Variants in CEP164 observed in about 807,000 individuals in gnomAD.
The protein encoded by CEP164 is centrosomal protein 164.
Under a neutral mutation model 182.7 loss-of-function variants are expected in CEP164, and 162 were observed. The ratio of observed to expected loss-of-function variants is 0.89; its 90% CI spans 0.78 to 1.01. The LOEUF (loss-of-function observed/expected upper bound fraction) is 1.01, where lower values mean the gene tolerates loss of function less well. Ranked by LOEUF, CEP164 falls within the 50% of genes least tolerant of loss-of-function variation. The probability of loss-of-function intolerance (pLI) is 0.00; values close to 1 mark genes in which losing one functional copy is unlikely to be tolerated. For missense variants in CEP164, 1,735 were observed against 1,790.4 expected (o/e 0.97, Z 0.56); for synonymous variants, 661 against 690.0 (o/e 0.96, Z 0.66).
chr11:117,352,671 CT>C (rs1217020052), intron 5 of CEP164, among the ~76,000 whole-genome samples: 9 of 152,340 alleles, frequency 5.9e-5, no homozygotes, highest in African/African-American at 1.7e-4. Flanking sequence ...ACTGCAACCA[CT>C]GCCTTTCAGG....
chr11:117,334,505 G>T (rs1033051367), intron 1 of CEP164, among the ~76,000 whole-genome samples: 1 of 152,068 alleles, frequency 6.6e-6, no homozygotes, highest in African/African-American at 2.4e-5. Flanking sequence ...TAAATATATC[G>T]CCAGGTGCGG....
At chr11:117,383,393 A>T (rs2043565702) in intron 14 of CEP164, among the ~76,000 whole-genome samples, 1 of 152,170 alleles carries the variant, frequency 6.6e-6, no homozygotes, top group African/African-American at 2.4e-5. Flanking sequence ...CCATCCCTCG[A>T]GGAAGTTTCC....
At chr11:117,404,981 C>T (rs1004036144) in intron 27 of CEP164, among the ~76,000 whole-genome samples, 1 of 152,166 alleles carries the variant, frequency 6.6e-6, no homozygotes, top group African/African-American at 2.4e-5. Flanking sequence ...AATGGCAAGC[C>T]TTAGTAATGG....
In CEP164 at chr11:117,396,176, G is replaced by T. The variant is rs1194889448; in HGVS notation, c.3212G>T (p.Gly1071Val). 2.6e-6 allele frequency: 2 copies of T among 764,654 alleles called. No homozygotes were observed. Among genetic ancestry groups the T allele is most frequent in the Non-Finnish European group, 4.2e-6 (2 of 473,636 alleles). The allele number at this position is 764,654 out of a possible 1,614,324, so 47.4% of individuals were successfully genotyped here. A position where few individuals can be genotyped will look rare whatever the true frequency, so the allele number is the denominator to read the frequency against. Reference sequence around the variant, plus strand: ...ATTGAGGACCTGAGGAAATCCCTTGGAACAGTGAGCTGGGGGCTGGGGCCT... The same window carrying T: ...ATTGAGGACCTGAGGAAATCCCTTGTAACAGTGAGCTGGGGGCTGGGGCCT... ...LHIEDLRKSL[G>V]TNQTKEVSSS... is the part of the protein sequence containing the mutation. The change falls in exon 25 of 33, where the codon GGA becomes GTA. Residue 1071 changes from glycine to valine, a missense_variant. Gly to Val is a moderately radical substitution (Grantham distance 109). Transcript: ENST00000278935.
intron 5 of CEP164, among the ~76,000 whole-genome samples, chr11:117,353,158 C>G (rs1592106562): frequency 6.6e-6 from 1 of 152,142 alleles, no homozygotes; most frequent in African/African-American, 2.4e-5. Context: ...GTGGGGAGCA[C>G]TGGGAACATC....
intron 15 of CEP164, among the ~76,000 whole-genome samples, chr11:117,389,488 T>C (rs142062100): frequency 6.6e-6 from 1 of 152,320 alleles, no homozygotes; most frequent in Non-Finnish European, 1.5e-5. Flanking sequence ...TAAGACAAGA[T>C]TCTTTCTCTT....
At position 117,411,466 on chromosome 11, in the gene CEP164, A is replaced by C; in HGVS notation, c.4164-329A>C. 2 of 323,046 alleles carry C rather than the reference A, an allele frequency of 6.2e-6. No homozygotes were observed. Among genetic ancestry groups the C allele is most frequent in the Non-Finnish European group, 1.2e-5 (2 of 171,404 alleles). 20.0% of individuals were successfully genotyped at this position (323,046 alleles called of 1,614,324 possible). ...AGTACCCCCCACTAACCCTTTGGCC[A>C]ACTTGAGAGCTGATGCTGGCCAAGG... is the stretch of plus-strand genomic sequence containing the variant. On this transcript the variant is annotated intron_variant, in intron 31 of 32. Transcript: ENST00000278935. This position sits in a 1 kb window ranked among gnomAD's most constrained non-coding sequence, Gnocchi z 4.4.
chr11:117,396,517 C>T (rs1265513286), intron 25 of CEP164, 33 bp from the exon 26 acceptor site: 3 of 1,583,820 alleles, frequency 1.9e-6, no homozygotes, highest in East Asian at 2.2e-5. Context: ...GCTTTTGCTA[C>T]ACTCAGTGGA....
intron 15 of CEP164, 133 bp from the exon 16 acceptor site, chr11:117,390,642 GAA>G (rs60684637): frequency 0.012 from 11,437 of 952,406 alleles, no homozygotes; most frequent in East Asian, 0.028. Context: ...TCTCCAAAAA[GAA>G]AAAAAAAAAA....
At chr11:117,391,657 T>C (rs1169299321) in intron 17 of CEP164, among the ~76,000 whole-genome samples, 1 of 152,166 alleles carries the variant, frequency 6.6e-6, no homozygotes, top group Admixed American at 6.5e-5. Context: ...CTCCCCACTT[T>C]TCTCTCCTTT....
At chr11:117,340,400 G>A (rs1009792000) in intron 3 of CEP164, among the ~76,000 whole-genome samples, 1 of 152,214 alleles carries the variant, frequency 6.6e-6, no homozygotes, top group Non-Finnish European at 1.5e-5. Context: ...TTATGATCTA[G>A]GCATACAAAG....
At chr11:117,369,888 G>A (rs998803933) in intron 8 of CEP164, among the ~76,000 whole-genome samples, 2 of 152,242 alleles carry the variant, frequency 1.3e-5, no homozygotes, top group East Asian at 3.8e-4. Flanking sequence ...CTTGGCCACT[G>A]TAGAGACGCA....
At chr11:117,366,247 A>T (rs948606772) in intron 8 of CEP164, among the ~76,000 whole-genome samples, 1 of 151,814 alleles carries the variant, frequency 6.6e-6, no homozygotes, top group African/African-American at 2.4e-5. Context: ...CAGTCTTTGG[A>T]TTCTCTGAAC....
chr11:117,351,752 T>G (rs1159479674), intron 4 of CEP164, 38 bp from the exon 5 acceptor site: 1 of 1,545,922 alleles, frequency 6.5e-7, no homozygotes, highest in Non-Finnish European at 8.8e-7. Context: ...CTTTTGTATC[T>G]GAGCAGGGAC....
chr11:117,364,972 G>A (rs909465805), intron 8 of CEP164, among the ~76,000 whole-genome samples: 1 of 152,178 alleles, frequency 6.6e-6, no homozygotes, highest in Non-Finnish European at 1.5e-5. Context: ...CTTTGAAACT[G>A]TTCCTTCTGA....
At chr11:117,373,277 G>C (rs1276131326) in intron 9 of CEP164, among the ~76,000 whole-genome samples, 1 of 151,962 alleles carries the variant, frequency 6.6e-6, no homozygotes, top group Non-Finnish European at 1.5e-5. Context: ...TGAGGCAGGA[G>C]AATTGCTGGG....
Position 117,409,114 on chromosome 11 carries a change from A to G in CEP164, c.3748+86A>G. 6.5e-7 allele frequency: 1 copy of G among 1,531,898 alleles called. No homozygotes were observed. The highest frequency in any genetic ancestry group is 8.9e-7 in the Non-Finnish European group (1 of 1,123,926). The allele number at this position is 1,531,898 out of a possible 1,614,324, so 94.9% of individuals were successfully genotyped here. ...AATAGAAGAAGAGCTCTCTTCCCTC[A>G]GCCCTGCAGAGGGAGGCCTCTGTGA... On this transcript the variant is annotated intron_variant, in intron 29 of 32. Coordinates refer to ENST00000278935, the MANE Select transcript of CEP164 (RefSeq NM_014956.5). The surrounding 1 kb of genome is among the most constrained non-coding windows in gnomAD (Gnocchi z 4.4).
intron 27 of CEP164, among the ~76,000 whole-genome samples, chr11:117,404,590 C>A (rs1379636548): frequency 6.6e-6 from 1 of 152,228 alleles, no homozygotes; most frequent in Non-Finnish European, 1.5e-5. Context: ...TGTCTGTCGA[C>A]CCCTGCTAGG....
At chr11:117,366,289 G>C (rs1453043794) in intron 8 of CEP164, among the ~76,000 whole-genome samples, 1 of 152,074 alleles carries the variant, frequency 6.6e-6, no homozygotes, top group Non-Finnish European at 1.5e-5. Flanking sequence ...GAGTGTCCCA[G>C]ACAGCTTACG....
Sources: gnomAD v4.1 joint callset for allele counts (sites outside exome capture counted in the v4.1 genomes callset) on GRCh38, gnomAD v4.1.1 for gene constraint, Gnocchi (gnomAD v3.1) non-coding constraint, MANE v1.5 for transcripts, NCBI Gene and HGNC (gene_info 2026-07-23, HGNC 2026-07-21) for gene names.